The following ATRN variants were observed in gnomAD, a reference collection of about 807,000 sequenced individuals.
ATRN encodes the protein attractin.
Under a neutral mutation model 178.7 loss-of-function variants are expected in ATRN, and 54 were observed. That is an observed-to-expected ratio of 0.30 (90% CI 0.24 to 0.38). ATRN has a LOEUF of 0.38. Among genes scored for constraint, ATRN ranks in the 10% least tolerant of loss-of-function variants. The pLI is 1.00. For synonymous variants in ATRN, 636 were observed against 663.0 expected, an observed-to-expected ratio of 0.96 and a Z score of 0.63; for missense variants, 1,443 against 1,815.1, an observed-to-expected ratio of 0.79 and a Z score of 3.73.
intron 25 of ATRN, among the ~76,000 whole-genome samples, chr20:3,630,858 A>C (rs554223759): frequency 6.9e-6 from 1 of 145,316 alleles, no homozygotes; most frequent in Non-Finnish European, 1.5e-5. Flanking sequence ...CTTTCATGGC[A>C]TGGGGAAGAA....
intron 1 of ATRN, among the ~76,000 whole-genome samples, chr20:3,501,084 C>G (rs1321842365): frequency 6.6e-6 from 1 of 152,046 alleles, no homozygotes; most frequent in East Asian, 1.9e-4. Context: ...ATATTGTAAA[C>G]TGTTTTTAGT....
chr20:3,622,418 T>C (rs2086903492), intron 24 of ATRN, among the ~76,000 whole-genome samples: 1 of 152,234 alleles, frequency 6.6e-6, no homozygotes, highest in African/African-American at 2.4e-5. Context: ...GATTTTACAG[T>C]TGGTTGGCAT....
At chr20:3,475,025 C>G (rs2084503696) in intron 1 of ATRN, among the ~76,000 whole-genome samples, 1 of 137,590 alleles carries the variant, frequency 7.3e-6, no homozygotes. Flanking sequence ...GTGTGAGACT[C>G]CATCTCAAAA....
At chr20:3,592,568 A>G (rs554275470) in intron 19 of ATRN, 159 of 791,308 alleles carry the variant, frequency 2.0e-4, no homozygotes, top group Middle Eastern at 6.5e-4. Context: ...AATGAGTACT[A>G]TAGTCGAAAG....
At chr20:3,614,338 A>G (rs1164214253) in intron 24 of ATRN, among the ~76,000 whole-genome samples, 2 of 152,112 alleles carry the variant, frequency 1.3e-5, no homozygotes, top group Non-Finnish European at 2.9e-5. Context: ...GTTGGACAGA[A>G]AGTGTGTGAG....
chr20:3,569,878 C>T (rs1431095287), intron 11 of ATRN, among the ~76,000 whole-genome samples: 1 of 152,132 alleles, frequency 6.6e-6, no homozygotes, highest in Admixed American at 6.6e-5. Flanking sequence ...CAACACCAGC[C>T]TGGGCAACAC....
chr20:3,480,205 A>G (rs899710949), intron 1 of ATRN, among the ~76,000 whole-genome samples: 1 of 152,188 alleles, frequency 6.6e-6, no homozygotes, highest in Non-Finnish European at 1.5e-5. Flanking sequence ...AGGGCATTCC[A>G]GTTTCTGGCC....
chr20:3,531,521 T>C (rs1405618293), intron 1 of ATRN, among the ~76,000 whole-genome samples: 1 of 151,992 alleles, frequency 6.6e-6, no homozygotes, highest in Non-Finnish European at 1.5e-5. Context: ...CAGGAAAAAG[T>C]GATACCTCCA....
intron 4 of ATRN, among the ~76,000 whole-genome samples, chr20:3,546,903 T>C (rs2085711773): frequency 6.6e-6 from 1 of 152,142 alleles, no homozygotes; most frequent in Non-Finnish European, 1.5e-5. Flanking sequence ...TTCCCAGACT[T>C]CCAAGCATGA....
At chr20:3,555,950 G>A (rs556711008) in intron 6 of ATRN, among the ~76,000 whole-genome samples, 2 of 152,296 alleles carry the variant, frequency 1.3e-5, no homozygotes, top group African/African-American at 4.8e-5. Flanking sequence ...CCTTCCAACT[G>A]CTTCGTGCTG....
intron 24 of ATRN, among the ~76,000 whole-genome samples, chr20:3,618,319 A>G (rs2086869040): frequency 6.6e-6 from 1 of 152,222 alleles, no homozygotes. Context: ...AGATCAGGAA[A>G]TAACAATAAA....
chr20:3,561,238 G>A (rs1473368983), intron 8 of ATRN, among the ~76,000 whole-genome samples: 2 of 152,116 alleles, frequency 1.3e-5, no homozygotes, highest in Non-Finnish European at 2.9e-5. Flanking sequence ...CAGGAGAATC[G>A]CTTGAACCCG....
intron 1 of ATRN, among the ~76,000 whole-genome samples, chr20:3,529,815 TA>T (rs2146169252): frequency 1.3e-5 from 2 of 152,322 alleles, no homozygotes; most frequent in East Asian, 3.9e-4. Flanking sequence ...TAAGATTGAT[TA>T]AAGATTTGGT....
chr20:3,645,654 G>T lies in ATRN; in HGVS notation c.4166-1069G>T, dbSNP rs372096742. Among the ~76,000 whole-genome samples, 1 of 151,702 alleles carries T rather than the reference G, an allele frequency of 6.6e-6. No individual in the cohort carries two copies. The highest frequency in any genetic ancestry group is 2.4e-5 in the African/African-American group (1 of 41,406). On this transcript the variant is annotated intron_variant, in intron 28 of 28. Coordinates refer to ENST00000262919, the MANE Select transcript of ATRN (RefSeq NM_139321.3). This position sits in a 1 kb window ranked among gnomAD's most constrained non-coding sequence, Gnocchi z 4.7. ...TTGAGACCCACCCAACAGTGGGGCC[G>T]TCCTTGCTGCCCCTTCTGTACCCCC...
intron 26 of ATRN, among the ~76,000 whole-genome samples, chr20:3,634,766 G>C (rs369465654): frequency 6.6e-6 from 1 of 152,204 alleles, no homozygotes; most frequent in South Asian, 2.1e-4. Context: ...CTTGTCATGC[G>C]AGAGGGAAAT....
At chr20:3,475,133 C>T (rs944532907) in intron 1 of ATRN, among the ~76,000 whole-genome samples, 2 of 151,048 alleles carry the variant, frequency 1.3e-5, no homozygotes, top group African/African-American at 2.4e-5. Context: ...ATTGAACTTA[C>T]AAACCTCTTT....
At position 3,648,959 on chromosome 20, in the gene ATRN, A is replaced by G. The variant is rs1347388103; in HGVS notation, c.*2112A>G. The G allele has an allele frequency of 1.3e-5, 2 of 152,208 alleles. No individual in the cohort carries two copies. The highest frequency in any genetic ancestry group is 4.8e-5 in the African/African-American group (2 of 41,448). The allele number at this position is 152,208 out of a possible 1,614,324, so 9.4% of individuals were successfully genotyped here. A position where few individuals can be genotyped will look rare whatever the true frequency, so the allele number is the denominator to read the frequency against. ...GAAGTCTCTTCCCCATGTTAGTCCT[A>G]TGCCTTGAAATATCATGCACCATGA... On this transcript the variant is annotated 3_prime_UTR_variant, in exon 29 of 29. Coordinates refer to ENST00000262919, the MANE Select transcript of ATRN (RefSeq NM_139321.3).
chr20:3,504,415 C>G (rs2085008114), intron 1 of ATRN, among the ~76,000 whole-genome samples: 1 of 151,428 alleles, frequency 6.6e-6, no homozygotes, highest in African/African-American at 2.4e-5. Context: ...AGTGCCAACG[C>G]CTGTAATCCC....
intron 1 of ATRN, among the ~76,000 whole-genome samples, chr20:3,484,023 G>A (rs1649551240): frequency 6.6e-6 from 1 of 152,108 alleles, no homozygotes; most frequent in African/African-American, 2.4e-5. Context: ...TGAGGTGAGA[G>A]GATTGCTTAA....
Sources: allele counts gnomAD v4.1 joint callset (sites outside exome capture counted in the v4.1 genomes callset), GRCh38; gene constraint gnomAD v4.1.1; non-coding constraint Gnocchi (gnomAD v3.1); transcripts MANE v1.5; gene names NCBI Gene and HGNC (gene_info 2026-07-23, HGNC 2026-07-21).